Variants in ADGRG4 observed in about 807,000 individuals in gnomAD.
ADGRG4 encodes G protein-coupled receptor 112.
Under a neutral mutation model 126.2 loss-of-function variants are expected in ADGRG4, and 122 were observed. The observed-to-expected ratio is 0.97, with a 90% CI of 0.83 to 1.12. The LOEUF is 1.12. Ranked by LOEUF, ADGRG4 falls within the 50% of genes most tolerant of loss-of-function variation. The pLI is 0.00. For missense variants in ADGRG4, 2,481 were observed against 2,251.8 expected (o/e 1.10, Z -2.06); for synonymous variants, 943 against 838.7 (o/e 1.12, Z -2.15).
At chrX:136,395,352 A>G (rs1302049899) in intron 18 of ADGRG4, 38 bp from the exon 19 acceptor site, 1 of 942,735 alleles carries the variant, frequency 1.1e-6, no homozygotes, top group East Asian at 3.1e-5. Flanking sequence ...TTCTGAGAAA[A>G]ACAAAATTGC....
chrX:136,305,380 A>G (rs1207908716), intron 3 of ADGRG4, among the ~76,000 whole-genome samples: 1 of 111,293 alleles, frequency 9.0e-6, no homozygotes, highest in South Asian at 3.8e-4. Context: ...CACAAGCTCT[A>G]TGACTTTGGA....
chrX:136,367,355 G>A (rs902599730), intron 13 of ADGRG4, among the ~76,000 whole-genome samples: 89 of 112,521 alleles, frequency 7.9e-4, no homozygotes, highest in African/African-American at 2.7e-3. Context: ...AAGAGTGAGG[G>A]CAATAGGAAA....
chrX:136,381,424 A>G (rs955487469), intron 15 of ADGRG4, among the ~76,000 whole-genome samples: 6 of 110,523 alleles, frequency 5.4e-5, no homozygotes, highest in Non-Finnish European at 9.5e-5. Context: ...GCTACTTTTT[A>G]AAACATTGTT....
chrX:136,313,615 G>A (rs1407467278), intron 4 of ADGRG4, among the ~76,000 whole-genome samples: 1 of 112,113 alleles, frequency 8.9e-6, no homozygotes, highest in African/African-American at 3.2e-5. Context: ...GTTTGAGCTT[G>A]AGCATGTCAC....
intron 3 of ADGRG4, among the ~76,000 whole-genome samples, chrX:136,306,716 T>C (rs1240189063): frequency 1.0e-5 from 1 of 97,664 alleles, no homozygotes; most frequent in Non-Finnish European, 2.0e-5. Flanking sequence ...CCTTATTCCT[T>C]TTTTTTTTTT....
intron 16 of ADGRG4, among the ~76,000 whole-genome samples, chrX:136,388,931 T>C (rs1290278322): frequency 8.9e-6 from 1 of 112,196 alleles, no homozygotes; most frequent in Non-Finnish European, 1.9e-5. Flanking sequence ...TTTTCCCAGA[T>C]GTGTTTGTAT....
In ADGRG4 at chrX:136,345,388, C is replaced by A. The variant is rs758524813; in HGVS notation, c.1682C>A (p.Thr561Lys). ...ETSSKTFSFL[T>K]SFSFTGTESV... Reference sequence around the variant, plus strand: ...TCCTCTAAGACCTTTTCTTTCTTAACATCCTTTTCATTTACTGGGACTGAG... The same window carrying A: ...TCCTCTAAGACCTTTTCTTTCTTAAAATCCTTTTCATTTACTGGGACTGAG... Residue 561 changes from threonine (T) to lysine (K), a missense_variant, in exon 6 of 26, where the codon ACA becomes AAA. Transcript: ENST00000394143. 7 of 1,208,357 alleles carry A rather than the reference C, an allele frequency of 5.8e-6. No homozygotes were observed. The African/African-American group carries it at 1.1e-4, about 18-fold the overall frequency.
intron 5 of ADGRG4, among the ~76,000 whole-genome samples, chrX:136,344,164 A>T (rs1439783777): frequency 1.8e-5 from 2 of 111,701 alleles, no homozygotes; most frequent in African/African-American, 6.5e-5. Context: ...TTATGAAGAT[A>T]CTACGAAATG....
At position 136,398,494 on chromosome X, in the gene ADGRG4, C is replaced by G. The variant is rs764495474; in HGVS notation, c.8306+492C>G. On this transcript the variant is annotated intron_variant, in intron 20 of 25. Transcript: ENST00000394143. ...GAGAATATCCATGCCTAAGCCTAAC[C>G]CTTACCAAATGGCCAATAAGCATAT... is the stretch of plus-strand genomic sequence containing the variant. Among the ~76,000 whole-genome samples, 7 of 112,073 alleles carry G rather than the reference C, an allele frequency of 6.2e-5. No individual in the cohort carries two copies. The East Asian group carries it at 1.9e-3, about 31-fold the overall frequency.
Position 136,344,440 on chromosome X carries a change from A to G in ADGRG4, c.734A>G (p.Gln245Arg). Residue 245 changes from glutamine (Q) to arginine (R), a missense_variant, in exon 6 of 26, where the codon CAA (glutamine) becomes CGA (arginine). Physicochemically the swap from Gln to Arg is conservative, Grantham distance 43 (BLOSUM62 1). Coordinates refer to ENST00000394143, the MANE Select transcript of ADGRG4 (RefSeq NM_153834.4). ...TIQEKSTTVS[Q>R]QIDMTTPSQI... is the part of the protein sequence containing the mutation. ...CAAGAAAAAAGTACAACTGTTTCAC[A>G]ACAGATAGATATGACCACTCCATCC... The G allele has an allele frequency of 8.4e-7, 1 of 1,183,865 alleles. No individual in the cohort carries two copies. The highest frequency in any genetic ancestry group is 1.8e-5 in the African/African-American group (1 of 56,897).
intron 4 of ADGRG4, among the ~76,000 whole-genome samples, chrX:136,311,394 T>TACACACACACACAC (rs72201867): frequency 3.6e-4 from 34 of 95,642 alleles, no homozygotes; most frequent in African/African-American, 1.2e-3. Flanking sequence ...TCATACCATG[T>TACACACACACACAC]ACACACACAC....
chrX:136,413,210 G>A (rs906653817), intron 24 of ADGRG4, among the ~76,000 whole-genome samples: 8 of 107,748 alleles, frequency 7.4e-5, no homozygotes, highest in Admixed American at 3.0e-4. Flanking sequence ...CTAGCATTAG[G>A]TATATCTCCC....
intron 23 of ADGRG4, among the ~76,000 whole-genome samples, chrX:136,409,533 T>C (rs1018900696): frequency 2.1e-4 from 23 of 111,897 alleles, no homozygotes; most frequent in African/African-American, 7.5e-4. Flanking sequence ...TGTGGTTTGC[T>C]CTCCTCGGGG....
chrX:136,315,029 G>T (rs748529281), intron 4 of ADGRG4, among the ~76,000 whole-genome samples: 1 of 111,527 alleles, frequency 9.0e-6, no homozygotes, highest in African/African-American at 3.3e-5. Context: ...AGCAGCCTAG[G>T]TACTAGAGGA....
At position 136,348,619 on chromosome X, in the gene ADGRG4, C is replaced by A. The variant is rs770090893; in HGVS notation, c.4913C>A (p.Ser1638Tyr). Residue 1638 changes from serine (S) to tyrosine (Y), a missense_variant, in exon 6 of 26, where the codon TCC becomes TAC. Transcript: ENST00000394143. ...AFTTEMIEAP[S>Y]RITPTTFLSP... Reference sequence around the variant, plus strand: ...ACTACAGAAATGATAGAGGCACCTTCCAGGATCACACCTACGACCTTTCTC... The same window carrying A: ...ACTACAGAAATGATAGAGGCACCTTACAGGATCACACCTACGACCTTTCTC... 4.1e-6 allele frequency: 5 copies of A among 1,210,670 alleles called. No homozygotes were observed. The highest frequency in any genetic ancestry group is 5.6e-6 in the Non-Finnish European group (5 of 895,030).
chrX:136,414,437 A>G (rs779884661), intron 25 of ADGRG4, 110 bp downstream of exon 25: 4 of 602,092 alleles, frequency 6.6e-6, no homozygotes, highest in East Asian at 6.6e-5. Context: ...CTAAATGCAC[A>G]TGTGCATGTG....
At position 136,344,532 on chromosome X, in the gene ADGRG4, A is replaced by G; in HGVS notation, c.826A>G (p.Ile276Val). ...SSTLLSQSIP[I>V]FATDYTTISY... The stretch of plus-strand genomic sequence containing the variant: ...TACACTATTGTCTCAAAGCATACCT[A>G]TATTTGCAACTGATTACACAACCAT... Residue 276 changes from isoleucine to valine, a missense_variant, in exon 6 of 26, where the codon ATA becomes GTA. Transcript: ENST00000394143. The G allele has an allele frequency of 1.7e-6, 2 of 1,206,821 alleles. No homozygotes were observed. Among genetic ancestry groups the G allele is most frequent in the Non-Finnish European group, 2.2e-6 (2 of 891,059 alleles).
At chrX:136,333,721 C>T (rs993097523) in intron 5 of ADGRG4, among the ~76,000 whole-genome samples, 3 of 110,413 alleles carry the variant, frequency 2.7e-5, no homozygotes, top group African/African-American at 9.9e-5. Flanking sequence ...TCTCACCATG[C>T]TGGCCAGGCT....
At position 136,348,905 on chromosome X, in the gene ADGRG4, A is replaced by G. The variant is rs765766169; in HGVS notation, c.5199A>G (p.Thr1733=). The change falls in exon 6 of 26, where the codon ACA becomes ACG. Residue 1733 remains threonine (T), a synonymous_variant. Transcript: ENST00000394143. ...CCCTATCTACTGTGAACAGTGGTAC[A>G]GGGGTAGCTCTCACAGATACTTATT... The part of the protein sequence containing the change: ...NRSLSTVNSG[T]GVALTDTYSR... 1.9e-5 allele frequency: 23 copies of G among 1,201,462 alleles called. No homozygotes were observed. Among genetic ancestry groups the G allele is most frequent in the Non-Finnish European group, 2.6e-5 (23 of 888,913 alleles).
Sources: allele counts gnomAD v4.1 joint callset (sites outside exome capture counted in the v4.1 genomes callset), GRCh38; gene constraint gnomAD v4.1.1; transcripts MANE v1.5; gene names NCBI Gene and HGNC (gene_info 2026-07-23, HGNC 2026-07-21).